Variants in TLN2 observed in about 807,000 individuals in gnomAD.
TLN2 encodes the protein talin-2.
In TLN2, 118 loss-of-function variants were observed where a neutral mutation model predicts 294.7. That is an observed-to-expected ratio of 0.40 (90% CI 0.34 to 0.47). The LOEUF (loss-of-function observed/expected upper bound fraction) is 0.47. Among genes scored for constraint, TLN2 ranks in the 20% least tolerant of loss-of-function variants. The probability of loss-of-function intolerance (pLI) is 0.84; values close to 1 mark genes in which losing one functional copy is unlikely to be tolerated. For synonymous variants in TLN2, 1,431 were observed against 1,304.5 expected (o/e 1.10, Z -2.09); for missense variants, 3,083 against 3,282.2 (o/e 0.94, Z 1.48).
At chr15:62,761,582 C>G (rs1372271832) in intron 37 of TLN2, 99 bp from the exon 38 acceptor site, 5 of 1,529,520 alleles carry the variant, frequency 3.3e-6, no homozygotes, top group African/African-American at 2.7e-5. Flanking sequence ...TTTCAGTGTT[C>G]CGGTTGAACC....
rs1321219635 is a variant in TLN2, at chr15:62,399,285, AG to A, written c.-238+8601del. Among the ~76,000 whole-genome samples the A allele has an allele frequency of 8.1e-3, 1,188 of 147,154 alleles. 9 individuals carry two copies. Among genetic ancestry groups the A allele is most frequent in the African/African-American group, 0.025 (986 of 40,174 alleles). Reference sequence around the variant, plus strand: ...AAAAAAAAAAAAAAAAAAAAAAAAAAGTAAGAAATGCTTGGATGTCCAGGGA... The same window carrying A: ...AAAAAAAAAAAAAAAAAAAAAAAAAATAAGAAATGCTTGGATGTCCAGGGA... On this transcript the variant is annotated intron_variant, in intron 1 of 58. Transcript: ENST00000636159.
At chr15:62,776,447 T>C (rs2063725969) in intron 42 of TLN2, among the ~76,000 whole-genome samples, 3 of 152,234 alleles carry the variant, frequency 2.0e-5, no homozygotes, top group African/African-American at 7.2e-5. Context: ...TATCAACTTG[T>C]ATATTTAGGA....
intron 12 of TLN2, among the ~76,000 whole-genome samples, chr15:62,691,027 TGGGAGAG>T (rs1460671866): frequency 5.0e-5 from 4 of 79,336 alleles, no homozygotes; most frequent in African/African-American, 2.4e-4. Flanking sequence ...AGGGAGACCG[TGGGAGAG>T]GGAGAGGGAG....
Position 62,514,313 on chromosome 15 carries a change from A to G in TLN2, c.-237-75374A>G, listed in dbSNP as rs574880357. The stretch of plus-strand genomic sequence containing the variant: ...AAAAAATAACCATAAAACTTTCTTC[A>G]TTGTGGCAGTGAAGTATAATTCTGT... On this transcript the variant is annotated intron_variant, in intron 1 of 58. Transcript: ENST00000636159. Among the ~76,000 whole-genome samples, 3 of 152,298 alleles carry G rather than the reference A, an allele frequency of 2.0e-5. No individual in the cohort carries two copies. In the East Asian group the frequency reaches 5.8e-4, roughly 29 times the overall value.
At chr15:62,545,250 C>G (rs2041927013) in intron 1 of TLN2, among the ~76,000 whole-genome samples, 1 of 152,078 alleles carries the variant, frequency 6.6e-6, no homozygotes, top group Admixed American at 6.6e-5. Flanking sequence ...TATGCTTTTT[C>G]TTTTATTGAC....
chr15:62,692,755 A>G (rs2058027514), intron 12 of TLN2, 85 bp from the exon 13 acceptor site: 2 of 987,744 alleles, frequency 2.0e-6, no homozygotes, highest in East Asian at 2.5e-5. Context: ...AGTCTATGTC[A>G]TATTGTTCTA....
rs1265554773 is a variant in TLN2 at position 62,725,834 on chromosome 15, G to T, written c.3255+730G>T. 3.9e-5 allele frequency among the ~76,000 whole-genome samples: 6 copies of T among 152,170 alleles called. No homozygotes were observed. In the East Asian group the frequency reaches 9.6e-4, roughly 24 times the overall value. ...CCACGGTTTGAATTCAGATTTGCAGGACTCTAAAACCTGTGCTTTTGAGAG... is the reference window on the plus strand; with the variant it reads ...CCACGGTTTGAATTCAGATTTGCAGTACTCTAAAACCTGTGCTTTTGAGAG... On this transcript the variant is annotated intron_variant, in intron 27 of 58. Coordinates refer to ENST00000636159, the MANE Select transcript of TLN2 (RefSeq NM_015059.3).
At chr15:62,777,319 C>T (rs1413609355) in intron 43 of TLN2, among the ~76,000 whole-genome samples, 1 of 152,176 alleles carries the variant, frequency 6.6e-6, no homozygotes, top group South Asian at 2.1e-4. Context: ...GGCGGATCAC[C>T]TGAGGTCGGG....
At chr15:62,545,478 A>G (rs1036233967) in intron 1 of TLN2, among the ~76,000 whole-genome samples, 2 of 151,736 alleles carry the variant, frequency 1.3e-5, no homozygotes, top group East Asian at 1.9e-4. Flanking sequence ...TTGCATTTGC[A>G]TAGTGTCTCT....
At chr15:62,670,212 G>A (rs553584402) in intron 9 of TLN2, among the ~76,000 whole-genome samples, 15 of 152,176 alleles carry the variant, frequency 9.9e-5, no homozygotes, top group Non-Finnish European at 1.9e-4. Flanking sequence ...TGCTGATGGA[G>A]GAGCCAATGC....
chr15:62,806,743 G>A (rs551716003), intron 51 of TLN2, among the ~76,000 whole-genome samples: 6 of 152,290 alleles, frequency 3.9e-5, no homozygotes, highest in Admixed American at 1.3e-4. Context: ...TCTTGGGACA[G>A]CCTTGCCCCC....
In TLN2 at chr15:62,708,510, C is replaced by T; in HGVS notation, c.2181C>T (p.Ser727=). The T allele has an allele frequency of 6.2e-7, 1 of 1,612,648 alleles. No homozygotes were observed. The highest frequency in any genetic ancestry group is 8.5e-7 in the Non-Finnish European group (1 of 1,178,802). The part of the protein sequence containing the change: ...SQLVACAKVV[S]PTISSPVCQE... Reference sequence around the variant, plus strand: ...TTCCTGTCTCACTTCAGGTTGTGAGCCCCACTATTAGCTCCCCTGTGTGCC... The same window carrying T: ...TTCCTGTCTCACTTCAGGTTGTGAGTCCCACTATTAGCTCCCCTGTGTGCC... The change falls in exon 21 of 59, where the codon AGC becomes AGT. Residue 727 remains serine (S), a synonymous_variant. Transcript: ENST00000636159.
intron 3 of TLN2, among the ~76,000 whole-genome samples, chr15:62,646,314 C>T (rs2051834416): frequency 1.3e-5 from 2 of 152,026 alleles, no homozygotes; most frequent in Admixed American, 1.3e-4. Flanking sequence ...AGGTGTATGC[C>T]ACCATGCCAG....
chr15:62,615,510 G>C (rs2048244662), intron 2 of TLN2, among the ~76,000 whole-genome samples: 1 of 152,178 alleles, frequency 6.6e-6, no homozygotes, highest in African/African-American at 2.4e-5. Flanking sequence ...TACTGTATAT[G>C]CATCTTGTAG....
At chr15:62,602,879 T>G (rs1273767940) in intron 2 of TLN2, among the ~76,000 whole-genome samples, 1 of 151,424 alleles carries the variant, frequency 6.6e-6, no homozygotes, top group African/African-American at 2.4e-5. Context: ...TTTTTTTTTT[T>G]TTAAATTTTT....
chr15:62,705,729 C>T (rs2059018545), intron 19 of TLN2, among the ~76,000 whole-genome samples: 1 of 152,146 alleles, frequency 6.6e-6, no homozygotes, highest in African/African-American at 2.4e-5. Flanking sequence ...GATAGATGTC[C>T]AGGAATTGTA....
chr15:62,458,836 C>G (rs545341791), intron 1 of TLN2, among the ~76,000 whole-genome samples: 20 of 152,078 alleles, frequency 1.3e-4, no homozygotes, highest in Non-Finnish European at 2.5e-4. Context: ...CATGTCCCTG[C>G]TTACTTAATC....
chr15:62,708,534 C>G lies in TLN2; in HGVS notation c.2205C>G (p.Cys735Trp). The change falls in exon 21 of 59, where the codon TGC (cysteine) becomes TGG (tryptophan). Residue 735 changes from cysteine (C) to tryptophan (W), a missense_variant. Physicochemically the swap from Cys to Trp is radical, Grantham distance 215. Transcript: ENST00000636159. ...GCCCCACTATTAGCTCCCCTGTGTG[C>G]CAGGAGCAGCTGATTGAAGCAGGGA... ...VVSPTISSPVCQEQLIEAGKL... is the reference protein window; with the variant it reads ...VVSPTISSPVWQEQLIEAGKL... 6.2e-7 allele frequency: 1 copy of G among 1,614,046 alleles called. No homozygotes were observed. Among genetic ancestry groups the G allele is most frequent in the Non-Finnish European group, 8.5e-7 (1 of 1,179,944 alleles).
At position 62,650,165 on chromosome 15, in the gene TLN2, A is replaced by G. The variant is rs2052419919; in HGVS notation, c.218A>G (p.Tyr73Cys). The G allele has an allele frequency of 6.2e-7, 1 of 1,614,004 alleles. No individual in the cohort carries two copies. The highest frequency in any genetic ancestry group is 8.5e-7 in the Non-Finnish European group (1 of 1,180,020). Residue 73 changes from tyrosine (Y) to cysteine (C), a missense_variant, in exon 5 of 59, where the codon TAC becomes TGC. By Grantham distance (194) the Tyr-to-Cys change is radical. Transcript: ENST00000636159. ...WLEAGRTLDY[Y>C]MLRNGDILEY... Reference sequence around the variant, plus strand: ...GAAGCGGGCAGAACACTGGATTACTACATGTTGCGGAATGGGGTATGCTGC... The same window carrying G: ...GAAGCGGGCAGAACACTGGATTACTGCATGTTGCGGAATGGGGTATGCTGC...
Sources: allele counts gnomAD v4.1 joint callset (sites outside exome capture counted in the v4.1 genomes callset), GRCh38; gene constraint gnomAD v4.1.1; transcripts MANE v1.5; gene names NCBI Gene and HGNC (gene_info 2026-07-23, HGNC 2026-07-21).